The following ABCA4 variants were observed in gnomAD, a reference collection of about 807,000 sequenced individuals.
The protein encoded by ABCA4 is ATP binding cassette subfamily A member 4.
ABCA4 carries 196 observed loss-of-function variants against 263.7 expected under a neutral mutation model. The observed-to-expected ratio is 0.74, with a 90% confidence interval of 0.66 to 0.84. ABCA4 has a LOEUF of 0.84. Among genes scored for constraint, ABCA4 ranks in the 40% least tolerant of loss-of-function variants. ABCA4 has a pLI of 0.00. For missense variants in ABCA4, 2,792 were observed against 2,855.1 expected (o/e 0.98, Z 0.50); for synonymous variants, 1,133 against 1,094.2 (o/e 1.04, Z -0.70).
intron 6 of ABCA4, among the ~76,000 whole-genome samples, chr1:94,095,325 C>G (rs982795910): frequency 2.0e-5 from 3 of 151,936 alleles, no homozygotes; most frequent in African/African-American, 4.8e-5. Context: ...GTTCCCTTGT[C>G]TCGGAGGTTG....
At position 94,044,630 on chromosome 1, in the gene ABCA4, G is replaced by A; in HGVS notation, c.3033C>T (p.His1011=). 1 of 1,614,182 alleles carries A rather than the reference G, an allele frequency of 6.2e-7. No individual in the cohort carries two copies. The highest frequency in any genetic ancestry group is 8.5e-7 in the Non-Finnish European group (1 of 1,180,034). ...TCGCTTACTGGTGGAACAGGATGTT[G>A]TGCTGTGGACACATGCCAAGGCTCT... ...VRQSLGMCPQ[H]NILFHHLTVA... The change falls in exon 20 of 50, where the codon CAC becomes CAT. Residue 1011 remains histidine, a synonymous_variant. Transcript: ENST00000370225.
chr1:94,096,371 T>G (rs1166799336), intron 6 of ABCA4, among the ~76,000 whole-genome samples: 1 of 152,180 alleles, frequency 6.6e-6, no homozygotes, highest in Non-Finnish European at 1.5e-5. Flanking sequence ...CTGTGAAATG[T>G]CCTGTTTGCT....
intron 14 of ABCA4, chr1:94,059,439 A>T (rs1370606770): frequency 6.6e-6 from 1 of 152,208 alleles, no homozygotes; most frequent in Non-Finnish European, 1.5e-5. Context: ...AGATCACTGG[A>T]TCATGGAGCA....
Position 94,041,320 on chromosome 1 carries a change from C to T in ABCA4, c.3411G>A (p.Arg1137=). 1 of 1,614,124 alleles carries T rather than the reference C, an allele frequency of 6.2e-7. No homozygotes were observed. Among genetic ancestry groups the T allele is most frequent in the Non-Finnish European group, 8.5e-7 (1 of 1,180,026 alleles). The change falls in exon 23 of 50, where the codon AGG becomes AGA. Residue 1137 remains arginine, a synonymous_variant. Transcript: ENST00000370225. The stretch of plus-strand genomic sequence containing the variant: ...AGAGTGGGGTGCCTGAGCAGTAGAG[C>T]CTTCCCTGGGCAATGATGGCAATGC... ...GDRIAIIAQG[R]LYCSGTPLFL...
chr1:94,049,437 A>G (rs1660775154), intron 17 of ABCA4, among the ~76,000 whole-genome samples: 3 of 152,174 alleles, frequency 2.0e-5, no homozygotes, highest in Non-Finnish European at 1.5e-5. Flanking sequence ...CAGTCTGACC[A>G]ACATGGTGAA....
chr1:94,058,901 A>T (rs1215589176), intron 14 of ABCA4, among the ~76,000 whole-genome samples: 1 of 152,004 alleles, frequency 6.6e-6, no homozygotes, highest in African/African-American at 2.4e-5. Context: ...TGTGTTGTTG[A>T]GGTGGGGAGG....
intron 11 of ABCA4, among the ~76,000 whole-genome samples, chr1:94,065,768 T>C (rs3789405): frequency 0.3 from 45,965 of 152,196 alleles, 7,431 homozygotes; most frequent in East Asian, 0.68. Context: ...ACCACGCTGA[T>C]GAGATATTAA....
At position 94,062,723 on chromosome 1, in the gene ABCA4, G is replaced by T. The variant is rs749863229; in HGVS notation, c.1791C>A (p.Pro597=). 6.2e-7 allele frequency: 1 copy of T among 1,613,910 alleles called. No homozygotes were observed. Among genetic ancestry groups the T allele is most frequent in the South Asian group, 1.1e-5 (1 of 91,056 alleles). ...RYWDSGPRAD[P]VEDFRYIWGG... ...CCCAGATGTACCGGAAATCTTCCAC[G>T]GGATCAGCTCTGGGACCAGAATCCC... Residue 597 remains proline (P), a synonymous_variant, in exon 13 of 50, where the codon CCC becomes CCA. Transcript: ENST00000370225.
At chr1:94,088,372 A>C (rs766948598) in intron 6 of ABCA4, among the ~76,000 whole-genome samples, 8 of 152,078 alleles carry the variant, frequency 5.3e-5, no homozygotes, top group Non-Finnish European at 7.4e-5. Context: ...CTCACTCTGC[A>C]CACTCCCCGG....
intron 47 of ABCA4, among the ~76,000 whole-genome samples, chr1:94,000,323 G>A (rs1659138110): frequency 1.3e-5 from 2 of 152,222 alleles, no homozygotes; most frequent in South Asian, 2.1e-4. Flanking sequence ...TTTACAATGT[G>A]TGGGTACAGG....
intron 49 of ABCA4, among the ~76,000 whole-genome samples, chr1:93,994,186 T>G (rs1047230323): frequency 1.3e-5 from 2 of 152,216 alleles, no homozygotes; most frequent in Non-Finnish European, 2.9e-5. Flanking sequence ...GATGGTCACA[T>G]AATTATTAAC....
chr1:94,065,231 A>G (rs1227322849), intron 11 of ABCA4, among the ~76,000 whole-genome samples: 3 of 151,954 alleles, frequency 2.0e-5, no homozygotes, highest in Non-Finnish European at 1.5e-5. Flanking sequence ...CCTCACTACT[A>G]TCTTGTCAAG....
intron 1 of ABCA4, among the ~76,000 whole-genome samples, chr1:94,118,183 C>T (rs1662853878): frequency 6.6e-6 from 1 of 152,124 alleles, no homozygotes. Flanking sequence ...CACAGAGAGG[C>T]CTCTCTCGTG....
At chr1:94,114,894 C>T (rs868557801) in intron 1 of ABCA4, among the ~76,000 whole-genome samples, 7 of 152,200 alleles carry the variant, frequency 4.6e-5, no homozygotes, top group Admixed American at 1.3e-4. Context: ...CCTCATCTGT[C>T]GTTGTCACTA....
At chr1:94,064,935 G>C (rs184296450) in intron 11 of ABCA4, among the ~76,000 whole-genome samples, 1 of 152,056 alleles carries the variant, frequency 6.6e-6, no homozygotes, top group African/African-American at 2.4e-5. Flanking sequence ...GTAGTGGAGA[G>C]GGGGGAAAGC....
chr1:94,012,287 CT>C (rs996388998), intron 38 of ABCA4, among the ~76,000 whole-genome samples: 1 of 152,238 alleles, frequency 6.6e-6, no homozygotes, highest in African/African-American at 2.4e-5. Flanking sequence ...CATGTGCAGG[CT>C]GTTACCTATT....
chr1:94,078,472 T>C, intron 10 of ABCA4, 118 bp downstream of exon 10: 1 of 808,948 alleles, frequency 1.2e-6, no homozygotes, highest in Non-Finnish European at 2.1e-6. Context: ...CTGCTTGTTG[T>C]ATTTTGATCT....
At position 94,015,759 on chromosome 1, in the gene ABCA4, C is replaced by T; in HGVS notation, c.5292G>A (p.Val1764=). ...CTTACCCATACAGCAGGAGCAGTGC[C>T]ACAAGGGCAGGAAGGTTTTCTGGAG... ...YTSPENLPAL[V]ALLLLYGWAV... is the part of the protein sequence containing the mutation. Residue 1764 remains valine, a synonymous_variant, in exon 37 of 50, where the codon GTG becomes GTA. Transcript: ENST00000370225. 6.2e-7 allele frequency: 1 copy of T among 1,613,960 alleles called. No individual in the cohort carries two copies. Among genetic ancestry groups the T allele is most frequent in the Non-Finnish European group, 8.5e-7 (1 of 1,179,962 alleles).
In ABCA4 at chr1:93,997,840, G is replaced by A. The variant is rs1800699; in HGVS notation, c.6729+21C>T. ...CTGGACCAGTCTTTGCTCAGCTCTC[G>A]GTGCCCCAGGGCCAACTTGCCTGGT... is the stretch of plus-strand genomic sequence containing the variant. On this transcript the variant is annotated intron_variant, in intron 48 of 49. Coordinates refer to ENST00000370225, the MANE Select transcript of ABCA4 (RefSeq NM_000350.3). 6,563 of 1,613,726 alleles carry A rather than the reference G, an allele frequency of 4.1e-3. 64 individuals are homozygous for A. The highest frequency in any genetic ancestry group is 0.028 in the African/African-American group (2,073 of 74,988).
Sources: allele counts gnomAD v4.1 joint callset (sites outside exome capture counted in the v4.1 genomes callset), GRCh38; gene constraint gnomAD v4.1.1; transcripts MANE v1.5; gene names NCBI Gene and HGNC (gene_info 2026-07-23, HGNC 2026-07-21).